GRM7: variants seen among roughly 807,000 people sequenced by gnomAD.
GRM7 encodes metabotropic glutamate receptor 7.
Under a neutral mutation model 84.5 loss-of-function variants are expected in GRM7, and 35 were observed. The observed-to-expected ratio is 0.41, with a 90% CI of 0.32 to 0.55. GRM7 has a LOEUF of 0.55. GRM7 is among the 20% of genes least tolerant of loss of function. GRM7 has a pLI of 0.19. For missense variants in GRM7, 1,003 were observed against 1,194.6 expected, an observed-to-expected ratio of 0.84 and a Z score of 2.36; for synonymous variants, 487 against 455.1, an observed-to-expected ratio of 1.07 and a Z score of -0.89.
At chr3:7,153,133 A>ATTTTT (rs34465661) in intron 2 of GRM7, among the ~76,000 whole-genome samples, 9 of 103,384 alleles carry the variant, frequency 8.7e-5, no homozygotes, top group African/African-American at 2.7e-4. Context: ...GGTACTGTGG[A>ATTTTT]TTTTTTTTTT....
chr3:6,872,673 C>A (rs548767157), intron 1 of GRM7, among the ~76,000 whole-genome samples: 1 of 151,704 alleles, frequency 6.6e-6, no homozygotes, highest in Non-Finnish European at 1.5e-5. Flanking sequence ...TCCATATGTT[C>A]TTGTTGTTCA....
In GRM7 at chr3:7,264,896, T is replaced by C. The variant is rs149046532; in HGVS notation, c.737-33788T>C. 6.5e-4 allele frequency among the ~76,000 whole-genome samples: 99 copies of C among 152,336 alleles called. 5 individuals carry two copies. In the South Asian group the frequency reaches 0.014, roughly 21 times the overall value. ...GCAGATGCATTACACCTTCCTGCTA[T>C]AGAGTTGAGAGTCAATGAAAGTTGC... On this transcript the variant is annotated intron_variant, in intron 2 of 9. Transcript: ENST00000357716.
intron 1 of GRM7, among the ~76,000 whole-genome samples, chr3:7,043,915 A>G (rs1487557871): frequency 6.6e-6 from 1 of 152,184 alleles, no homozygotes; most frequent in Non-Finnish European, 1.5e-5. Context: ...CCAGGGCTCA[A>G]GTGATCTTCC....
chr3:7,578,391 C>G (rs758808639), intron 7 of GRM7, 31 bp from the exon 8 acceptor site: 1 of 1,431,782 alleles, frequency 7.0e-7, no homozygotes, highest in Non-Finnish European at 9.7e-7. Context: ...AAGAATCTGC[C>G]TGATTCACCT....
chr3:7,251,495 C>T (rs558508167), intron 2 of GRM7, among the ~76,000 whole-genome samples: 3 of 152,076 alleles, frequency 2.0e-5, no homozygotes, highest in South Asian at 2.1e-4. Flanking sequence ...ACTTCATATG[C>T]GTGAATCATT....
intron 8 of GRM7, among the ~76,000 whole-genome samples, chr3:7,666,634 C>T (rs1699713012): frequency 6.6e-6 from 1 of 152,114 alleles, no homozygotes; most frequent in Admixed American, 6.5e-5. Context: ...AAAATGGTAG[C>T]CACTGGTCTT....
At chr3:7,661,772 C>CCACAGAG (rs1699458420) in intron 8 of GRM7, among the ~76,000 whole-genome samples, 1 of 91,846 alleles carries the variant, frequency 1.1e-5, no homozygotes, top group Non-Finnish European at 2.1e-5. Context: ...CCAGCCTGGG[C>CCACAGAG]CACAGAGCGA....
intron 4 of GRM7, among the ~76,000 whole-genome samples, chr3:7,362,453 A>G (rs918523450): frequency 3.3e-5 from 5 of 152,114 alleles, no homozygotes; most frequent in African/African-American, 4.8e-5. Context: ...GGTAATATTG[A>G]TATGAGATGT....
intron 8 of GRM7, among the ~76,000 whole-genome samples, chr3:7,656,510 C>G (rs867213369): frequency 3.7e-5 from 3 of 81,630 alleles, no homozygotes; most frequent in African/African-American, 1.2e-4. Flanking sequence ...AACAAACAAA[C>G]AAATAAAAAA....
In GRM7 at chr3:7,143,372, G is replaced by A. The variant is rs150954024; in HGVS notation, c.520-3080G>A. ...CTACAAGGGATATCCTTATAAAGCC[G>A]TATTTTTATCTCAGAATAAAATCCT... On this transcript the variant is annotated intron_variant, in intron 1 of 9. Transcript: ENST00000357716. Among the ~76,000 whole-genome samples the A allele has an allele frequency of 5.9e-5, 9 of 152,170 alleles. No homozygotes were observed. The East Asian group carries it at 7.7e-4, about 13-fold the overall frequency.
chr3:7,359,220 TTGTGTG>T (rs34535570), intron 4 of GRM7, among the ~76,000 whole-genome samples: 2,371 of 133,212 alleles, frequency 0.018, 273 homozygotes, highest in African/African-American at 0.062. Context: ...GTGTTTGTGT[TTGTGTG>T]TGTGTGTGTG....
intron 1 of GRM7, among the ~76,000 whole-genome samples, chr3:6,911,337 G>T (rs1696761972): frequency 1.3e-5 from 2 of 151,754 alleles, no homozygotes; most frequent in African/African-American, 2.4e-5. Flanking sequence ...TTACTTTTTA[G>T]AATACCTAAT....
chr3:7,468,191 A>G (rs1294138124), intron 7 of GRM7, among the ~76,000 whole-genome samples: 2 of 152,234 alleles, frequency 1.3e-5, no homozygotes, highest in Non-Finnish European at 2.9e-5. Flanking sequence ...GAGGTATGTA[A>G]TAGCAGCAAT....
chr3:7,696,233 G>C (rs1050183829), intron 9 of GRM7, among the ~76,000 whole-genome samples: 1 of 152,134 alleles, frequency 6.6e-6, no homozygotes, highest in African/African-American at 2.4e-5. Context: ...TTACATTGTA[G>C]AGTGTACGAC....
At chr3:7,427,919 A>G (rs1365923670) in intron 5 of GRM7, among the ~76,000 whole-genome samples, 1 of 152,178 alleles carries the variant, frequency 6.6e-6, no homozygotes, top group African/African-American at 2.4e-5. Flanking sequence ...AATCCAAAAC[A>G]AGGTCTGGCA....
At chr3:7,533,277 A>G (rs1399096268) in intron 7 of GRM7, among the ~76,000 whole-genome samples, 1 of 152,196 alleles carries the variant, frequency 6.6e-6, no homozygotes, top group Non-Finnish European at 1.5e-5. Flanking sequence ...GCAAAAGAAC[A>G]GAAATCATCA....
At chr3:6,935,600 A>T (rs536210955) in intron 1 of GRM7, among the ~76,000 whole-genome samples, 2 of 151,596 alleles carry the variant, frequency 1.3e-5, no homozygotes, top group East Asian at 3.9e-4. Flanking sequence ...AGCTGGCATG[A>T]TATTATGGTT....
At chr3:7,377,005 AC>A (rs1239386929) in intron 4 of GRM7, among the ~76,000 whole-genome samples, 2 of 152,242 alleles carry the variant, frequency 1.3e-5, no homozygotes, top group African/African-American at 4.8e-5. Context: ...TCAGTTGAGA[AC>A]CACTGCTGGA....
intron 1 of GRM7, among the ~76,000 whole-genome samples, chr3:7,062,735 G>T (rs1331494850): frequency 1.3e-5 from 2 of 151,630 alleles, no homozygotes; most frequent in Non-Finnish European, 2.9e-5. Context: ...TGCAAAAATG[G>T]TGATAACCCA....
Sources: gnomAD v4.1 joint callset for allele counts (sites outside exome capture counted in the v4.1 genomes callset) on GRCh38, gnomAD v4.1.1 for gene constraint, MANE v1.5 for transcripts, NCBI Gene and HGNC (gene_info 2026-07-23, HGNC 2026-07-21) for gene names.